Variants in RECQL5 observed in about 807,000 individuals in gnomAD.
RECQL5 encodes ATP-dependent DNA helicase Q5.
A neutral mutation model predicts 103.4 loss-of-function variants in RECQL5; 88 were observed. The observed-to-expected ratio is 0.85, with a 90% confidence interval of 0.72 to 1.02. The LOEUF (loss-of-function observed/expected upper bound fraction) is 1.02. RECQL5 is among the 50% of genes least tolerant of loss of function. The pLI is 0.00. For missense variants in RECQL5, 1,232 were observed against 1,284.3 expected, an observed-to-expected ratio of 0.96 and a Z score of 0.62; for synonymous variants, 552 against 507.9, an observed-to-expected ratio of 1.09 and a Z score of -1.17.
rs1426253389 is a variant in RECQL5, at chr17:75,667,112, T to C, written c.-83A>G. The C allele has an allele frequency of 3.2e-5, 16 of 501,720 alleles. No individual in the cohort carries two copies. The East Asian group carries it at 4.3e-4, about 13-fold the overall frequency. The allele number at this position is 501,720 out of a possible 1,614,324, so 31.1% of individuals were successfully genotyped here. ...GGTTCCGGAACTGTTCGAAGACCCC[T>C]ATACACAACCCCAACTCAGAGAAGC... On this transcript the variant is annotated 5_prime_UTR_variant, in exon 1 of 20. The change creates a new upstream start codon in the 5' untranslated region. Coordinates refer to ENST00000317905, the MANE Select transcript of RECQL5 (RefSeq NM_004259.7).
Position 75,626,958 on chromosome 17 carries a change from G to A in RECQL5, c.*464C>T. On this transcript the variant is annotated 3_prime_UTR_variant, in exon 20 of 20. Transcript: ENST00000317905. ...AGGAGCTGAGCAGGAACAGGGCCTG[G>A]CTGCCTCTCCTCTGCCACAGCTCTG... 2 of 356,058 alleles carry A rather than the reference G, an allele frequency of 5.6e-6. No homozygotes were observed. Among genetic ancestry groups the A allele is most frequent in the South Asian group, 2.2e-5 (1 of 46,138 alleles). 22.1% of individuals were successfully genotyped at this position (356,058 alleles called of 1,614,324 possible).
At position 75,631,568 on chromosome 17, in the gene RECQL5, G is replaced by A. The variant is rs761869603; in HGVS notation, c.1330C>T (p.Leu444=). 1.2e-6 allele frequency: 2 copies of A among 1,612,934 alleles called. No homozygotes were observed. The highest frequency in any genetic ancestry group is 1.7e-6 in the Non-Finnish European group (2 of 1,179,952). The change falls in exon 9 of 20, where the codon CTG becomes TTG. Residue 444 remains leucine, a synonymous_variant. Transcript: ENST00000317905. ...CTGCTGCTGCGCTCCAAGGCCTCCA[G>A]CCGCCTCCGCACGGCCGTGGGGTTC... ...CQNPTAVRRR[L]EALERSSSWS...
In RECQL5 at chr17:75,626,940, G is replaced by T; in HGVS notation, c.*482C>A. 2.8e-6 allele frequency: 1 copy of T among 356,144 alleles called. No individual in the cohort carries two copies. The highest frequency in any genetic ancestry group is 5.5e-6 in the Non-Finnish European group (1 of 182,664). The allele number at this position is 356,144 out of a possible 1,614,324, so 22.1% of individuals were successfully genotyped here. ...GGCCTGGCCTTCCTGAGCAGGAGCT[G>T]AGCAGGAACAGGGCCTGGCTGCCTC... On this transcript the variant is annotated 3_prime_UTR_variant, in exon 20 of 20. Coordinates refer to ENST00000317905, the MANE Select transcript of RECQL5 (RefSeq NM_004259.7).
chr17:75,641,063 A>G (rs1456961212), intron 8 of RECQL5: 2 of 1,274,394 alleles, frequency 1.6e-6, no homozygotes, highest in East Asian at 5.2e-5. Flanking sequence ...CCTACCAAGG[A>G]AACAAGGGCT....
At chr17:75,631,337 C>T (rs2059209323) in intron 9 of RECQL5, 88 bp from the exon 10 acceptor site, 4 of 1,535,594 alleles carry the variant, frequency 2.6e-6, no homozygotes, top group African/African-American at 2.7e-5. Flanking sequence ...TCCCTGATGT[C>T]CTACCAGCTC....
chr17:75,630,730 G>A (rs752916141), intron 12 of RECQL5, 38 bp from the exon 13 acceptor site: 26 of 1,605,724 alleles, frequency 1.6e-5, no homozygotes, highest in South Asian at 8.8e-5. Flanking sequence ...ATGGCCTCGC[G>A]GCTGGGGGAG....
intron 16 of RECQL5, 28 bp downstream of exon 16, chr17:75,628,903 CAGA>C (rs1307584624): frequency 1.3e-6 from 2 of 1,582,210 alleles, no homozygotes; most frequent in South Asian, 1.2e-5. Flanking sequence ...GTGTAGGTTC[CAGA>C]AGATTCTATG....
At chr17:75,663,582 G>A (rs1283733927) in intron 3 of RECQL5, among the ~76,000 whole-genome samples, 1 of 152,106 alleles carries the variant, frequency 6.6e-6, no homozygotes, top group African/African-American at 2.4e-5. Flanking sequence ...CAATCTCTAT[G>A]GAAGGTGAAG....
intron 8 of RECQL5, chr17:75,641,332 G>A (rs1045893216): frequency 1.3e-4 from 21 of 165,642 alleles, no homozygotes; most frequent in South Asian, 3.3e-4. Context: ...CCGAGCTCCC[G>A]CCAGAGCGTG....
chr17:75,651,050 C>T (rs953860908), intron 8 of RECQL5, 136 bp downstream of exon 8: 39 of 1,570,798 alleles, frequency 2.5e-5, no homozygotes, highest in South Asian at 2.3e-4. Context: ...CCACACTGCC[C>T]GACACAACAG....
chr17:75,663,807 C>A (rs959854630), intron 3 of RECQL5, among the ~76,000 whole-genome samples: 1 of 152,058 alleles, frequency 6.6e-6, no homozygotes, highest in Non-Finnish European at 1.5e-5. Flanking sequence ...GTAATTCCAG[C>A]GCTTTGAGAG....
chr17:75,650,905 A>G, intron 8 of RECQL5: 2 of 1,445,210 alleles, frequency 1.4e-6, no homozygotes, highest in Non-Finnish European at 1.8e-6. Flanking sequence ...ATCCCTTGGA[A>G]CTGAGTGGCT....
intron 8 of RECQL5, among the ~76,000 whole-genome samples, chr17:75,642,602 A>G (rs565092385): frequency 6.6e-6 from 1 of 150,726 alleles, no homozygotes; most frequent in African/African-American, 2.5e-5. Context: ...AGCCCCCTCC[A>G]AAGAATAGGA....
At chr17:75,634,036 C>A in intron 8 of RECQL5, 1 of 985,558 alleles carries the variant, frequency 1.0e-6, no homozygotes, top group Non-Finnish European at 1.2e-6. Context: ...ATCTCCAGGA[C>A]GACCAACAAC....
At chr17:75,630,933 G>A (rs199811025) in intron 11 of RECQL5, 41 bp downstream of exon 11, 20 of 1,608,458 alleles carry the variant, frequency 1.2e-5, no homozygotes, top group East Asian at 4.5e-5. Flanking sequence ...TCCATGCCCC[G>A]GGAAGAGCCC....
At chr17:75,635,403 A>G (rs1174655096) in intron 8 of RECQL5, among the ~76,000 whole-genome samples, 1 of 152,170 alleles carries the variant, frequency 6.6e-6, no homozygotes, top group African/African-American at 2.4e-5. Context: ...TCTCTCCAAC[A>G]CAGTCCCTGA....
chr17:75,665,002 C>T, intron 3 of RECQL5, 49 bp downstream of exon 3: 1 of 1,488,002 alleles, frequency 6.7e-7, no homozygotes, highest in Non-Finnish European at 8.9e-7. Flanking sequence ...CCTCAAAAAA[C>T]CTTCCCCGAA....
intron 11 of RECQL5, 28 bp from the exon 12 acceptor site, chr17:75,630,865 C>G: frequency 6.7e-7 from 1 of 1,486,794 alleles, no homozygotes; most frequent in Non-Finnish European, 9.1e-7. Context: ...GGTCCTTGGT[C>G]CTTTCGCTCC....
chr17:75,660,741 T>TG (rs749500655), intron 6 of RECQL5, among the ~76,000 whole-genome samples: 2 of 152,210 alleles, frequency 1.3e-5, no homozygotes, highest in Non-Finnish European at 2.9e-5. Context: ...TGCCCCATCC[T>TG]GGGGGGTGCC....
Sources: allele counts gnomAD v4.1 joint callset (sites outside exome capture counted in the v4.1 genomes callset), GRCh38; gene constraint gnomAD v4.1.1; transcripts MANE v1.5; gene names NCBI Gene and HGNC (gene_info 2026-07-23, HGNC 2026-07-21).